Variants in RBL1 observed in about 807,000 individuals in gnomAD.
RBL1 encodes the protein RB transcriptional corepressor like 1, also known as retinoblastoma-like protein 1.
A neutral mutation model predicts 123.0 loss-of-function variants in RBL1; 82 were observed. The ratio of observed to expected loss-of-function variants is 0.67; its 90% CI spans 0.56 to 0.80. The LOEUF (loss-of-function observed/expected upper bound fraction) is 0.80. Among genes scored for constraint, RBL1 ranks in the 30% least tolerant of loss-of-function variants. The pLI is 0.00. For synonymous variants in RBL1, 405 were observed against 441.3 expected, an observed-to-expected ratio of 0.92 and a Z score of 1.03; for missense variants, 1,171 against 1,299.6, an observed-to-expected ratio of 0.90 and a Z score of 1.52.
At chr20:37,082,820 A>G (rs2065473379) in intron 2 of RBL1, among the ~76,000 whole-genome samples, 1 of 151,884 alleles carries the variant, frequency 6.6e-6, no homozygotes, top group Non-Finnish European at 1.5e-5. Flanking sequence ...AACATGGTGA[A>G]ACCCCATCTC....
At chr20:37,091,558 T>C (rs1419107764) in intron 1 of RBL1, among the ~76,000 whole-genome samples, 1 of 150,346 alleles carries the variant, frequency 6.7e-6, no homozygotes, top group East Asian at 2.0e-4. Context: ...TAGAGCTACC[T>C]GGGGAACTGA....
intron 19 of RBL1, among the ~76,000 whole-genome samples, chr20:37,012,281 G>A (rs1303286891): frequency 6.6e-6 from 1 of 152,042 alleles, no homozygotes; most frequent in South Asian, 2.1e-4. Context: ...CTGCCCGGCC[G>A]CCACCCCGTC....
rs534772492 is a variant in RBL1, at chr20:36,999,787, C to T, written c.3037-858G>A. On this transcript the variant is annotated intron_variant, in intron 21 of 21. Transcript: ENST00000373664. Reference sequence around the variant, plus strand: ...GGGATGGCAGACGGAGTCGCGTTTACTCAGTGCTCAATGGTGCCCAGGCTG... The same window carrying T: ...GGGATGGCAGACGGAGTCGCGTTTATTCAGTGCTCAATGGTGCCCAGGCTG... Among the ~76,000 whole-genome samples the T allele has an allele frequency of 1.9e-4, 29 of 152,364 alleles. No homozygotes were observed. The South Asian group carries it at 5.6e-3, about 29-fold the overall frequency.
chr20:37,015,063 CA>C (rs1185151735), intron 19 of RBL1, among the ~76,000 whole-genome samples: 15,997 of 70,434 alleles, frequency 0.23, 569 homozygotes, highest in African/African-American at 0.25. Flanking sequence ...GACTGTATCT[CA>C]AAAAAAAAAA....
At chr20:37,079,465 A>ATTTTTTTTTTTTTTTTTTTTTTT (rs768901139) in intron 2 of RBL1, among the ~76,000 whole-genome samples, 1 of 115,682 alleles carries the variant, frequency 8.6e-6, no homozygotes, top group African/African-American at 3.4e-5. Context: ...GGCTTAAAGC[A>ATTTTTTTTTTTTTTTTTTTTTTT]TTTTTTTTTT....
At chr20:37,033,850 C>A (rs951171377) in intron 15 of RBL1, among the ~76,000 whole-genome samples, 4 of 151,942 alleles carry the variant, frequency 2.6e-5, no homozygotes, top group African/African-American at 9.7e-5. Context: ...CTCCTGACCT[C>A]AAGTGATCCA....
At chr20:37,031,729 A>ATC in intron 16 of RBL1, among the ~76,000 whole-genome samples, 1 of 152,124 alleles carries the variant, frequency 6.6e-6, no homozygotes, top group African/African-American at 2.4e-5. Context: ...ACTTGAATAG[A>ATC]TATTTGTTGC....
At chr20:37,048,103 T>C (rs2064845879) in intron 11 of RBL1, among the ~76,000 whole-genome samples, 1 of 152,080 alleles carries the variant, frequency 6.6e-6, no homozygotes, top group Non-Finnish European at 1.5e-5. Flanking sequence ...TAAACCACAA[T>C]ATATGAAGGA....
chr20:37,058,150 A>AAAAAAAAC (rs2065043229), intron 9 of RBL1, among the ~76,000 whole-genome samples: 1 of 150,522 alleles, frequency 6.6e-6, no homozygotes, highest in Non-Finnish European at 1.5e-5. Flanking sequence ...CAAAAAAAAA[A>AAAAAAAAC]AAGCCTATTC....
chr20:37,035,647 A>C (rs1334152950), intron 14 of RBL1, 139 bp from the exon 15 acceptor site: 4 of 704,326 alleles, frequency 5.7e-6, no homozygotes, highest in Non-Finnish European at 6.6e-6. Context: ...CCCTCATGGA[A>C]TATGTAGTCT....
chr20:37,044,038 T>G (rs770313648), intron 13 of RBL1, 48 bp downstream of exon 13: 176 of 1,379,966 alleles, frequency 1.3e-4, no homozygotes, highest in Non-Finnish European at 1.6e-4. Flanking sequence ...AGCTGGTTTT[T>G]TTTTTTTTTT....
intron 19 of RBL1, among the ~76,000 whole-genome samples, chr20:37,011,605 T>G (rs2064148959): frequency 1.3e-5 from 2 of 151,924 alleles, no homozygotes; most frequent in Admixed American, 6.6e-5. Context: ...TGGCTAATTT[T>G]TGTATTTTTA....
At chr20:37,061,056 A>G in intron 9 of RBL1, 47 bp downstream of exon 9, 1 of 1,469,882 alleles carries the variant, frequency 6.8e-7, no homozygotes. Context: ...GGAACAAGAA[A>G]TCTAATTTTA....
At chr20:37,043,350 G>C (rs891225456) in intron 13 of RBL1, among the ~76,000 whole-genome samples, 1 of 151,904 alleles carries the variant, frequency 6.6e-6, no homozygotes, top group Non-Finnish European at 1.5e-5. Context: ...AAAATTAGCC[G>C]GGTGTGGTGG....
chr20:37,029,271 T>C (rs919249122), intron 16 of RBL1, among the ~76,000 whole-genome samples: 1 of 152,190 alleles, frequency 6.6e-6, no homozygotes. Context: ...AGCCCCTGCA[T>C]ATACCTGAAT....
At chr20:37,082,729 G>A (rs888087124) in intron 2 of RBL1, among the ~76,000 whole-genome samples, 2 of 152,182 alleles carry the variant, frequency 1.3e-5, no homozygotes, top group African/African-American at 4.8e-5. Flanking sequence ...AGGTGTGGTG[G>A]CTCACCCCTG....
intron 12 of RBL1, among the ~76,000 whole-genome samples, chr20:37,045,112 ATTT>A (rs1354973856): frequency 6.7e-6 from 1 of 149,480 alleles, no homozygotes; most frequent in East Asian, 1.9e-4. Flanking sequence ...TTATTTATTT[ATTT>A]ATTTATTTTG....
intron 20 of RBL1, among the ~76,000 whole-genome samples, chr20:37,006,860 A>G (rs1329204748): frequency 6.6e-6 from 1 of 151,264 alleles, no homozygotes; most frequent in Non-Finnish European, 1.5e-5. Context: ...AAAAAAGAAA[A>G]CAAAAAAAAC....
intron 21 of RBL1, among the ~76,000 whole-genome samples, chr20:37,001,918 T>TAAAAAAAAAAAAA (rs757774894): frequency 8.1e-5 from 7 of 86,500 alleles, no homozygotes; most frequent in South Asian, 4.5e-4. Context: ...TGCAGAACAA[T>TAAAAAAAAAAAAA]AAAAAAAAAA....
Sources: gnomAD v4.1 joint callset for allele counts (sites outside exome capture counted in the v4.1 genomes callset) on GRCh38, gnomAD v4.1.1 for gene constraint, MANE v1.5 for transcripts, NCBI Gene and HGNC (gene_info 2026-07-23, HGNC 2026-07-21) for gene names.